GLI2: variants seen among roughly 807,000 people sequenced by gnomAD.
The protein encoded by GLI2 is GLI family zinc finger 2.
Under a neutral mutation model 78.9 loss-of-function variants are expected in GLI2, and 22 were observed. The ratio of observed to expected loss-of-function variants is 0.28; its 90% CI spans 0.20 to 0.40. The LOEUF (loss-of-function observed/expected upper bound fraction) is 0.40. Among genes scored for constraint, GLI2 ranks in the 10% least tolerant of loss-of-function variants. The pLI is 1.00. For missense variants in GLI2, 2,097 were observed against 2,213.2 expected (o/e 0.95, Z 1.05); for synonymous variants, 974 against 963.7 (o/e 1.01, Z -0.20).
At chr2:120,837,426 G>A (rs1206642172) in intron 2 of GLI2, among the ~76,000 whole-genome samples, 3 of 145,434 alleles carry the variant, frequency 2.1e-5, no homozygotes, top group Non-Finnish European at 4.5e-5. Context: ...TCTTAATCTT[G>A]TTTAGACATG....
At chr2:120,751,664 G>A (rs1194872998) in intron 1 of GLI2, among the ~76,000 whole-genome samples, 1 of 152,104 alleles carries the variant, frequency 6.6e-6, no homozygotes. Flanking sequence ...GTTCTCTGTG[G>A]GTAATGCCCT....
intron 2 of GLI2, among the ~76,000 whole-genome samples, chr2:120,814,973 G>GTGTCC (rs113343370): frequency 5.9e-5 from 9 of 152,260 alleles, no homozygotes; most frequent in East Asian, 1.9e-4. Context: ...ACAAGGGCCA[G>GTGTCC]TGTCCTGTCC....
intron 1 of GLI2, among the ~76,000 whole-genome samples, chr2:120,790,505 C>A (rs1185295241): frequency 6.6e-6 from 1 of 152,176 alleles, no homozygotes; most frequent in Non-Finnish European, 1.5e-5. Flanking sequence ...CTGTGGGAAT[C>A]CCTGGCTGGA....
intron 2 of GLI2, among the ~76,000 whole-genome samples, chr2:120,845,735 T>C (rs1251686751): frequency 1.3e-5 from 2 of 152,218 alleles, no homozygotes; most frequent in Non-Finnish European, 2.9e-5. Context: ...GGTACCCGCA[T>C]GGATACCTCT....
At chr2:120,759,049 T>G (rs186325315) in intron 1 of GLI2, among the ~76,000 whole-genome samples, 1 of 152,134 alleles carries the variant, frequency 6.6e-6, no homozygotes, top group Non-Finnish European at 1.5e-5. Context: ...TTCCTTTTGC[T>G]CATGGAGCTG....
At chr2:120,759,069 A>C (rs945607333) in intron 1 of GLI2, among the ~76,000 whole-genome samples, 8 of 152,084 alleles carry the variant, frequency 5.3e-5, no homozygotes, top group African/African-American at 1.9e-4. Flanking sequence ...GTGGTTGGCC[A>C]TGTGAGGCCT....
intron 4 of GLI2, among the ~76,000 whole-genome samples, chr2:120,953,061 G>T (rs998511641): frequency 6.6e-6 from 1 of 152,214 alleles, no homozygotes; most frequent in African/African-American, 2.4e-5. Flanking sequence ...CAAAACACAG[G>T]TCCATATCCT....
chr2:120,779,753 G>A lies in GLI2; in HGVS notation c.-30-17538G>A, dbSNP rs571284570. 5.3e-5 allele frequency among the ~76,000 whole-genome samples: 8 copies of A among 152,322 alleles called. No homozygotes were observed. In the South Asian group the frequency reaches 8.3e-4, roughly 16 times the overall value. On this transcript the variant is annotated intron_variant, in intron 1 of 13. Coordinates refer to ENST00000361492, the MANE Select transcript of GLI2 (RefSeq NM_001374353.1). ...GCACACAGTAGGTTAAGACAGGGCC[G>A]GGGTCAGACACTAGGGCGGCCTGAC...
At position 120,737,317 on chromosome 2, in the gene GLI2, T is replaced by C. The variant is rs1682396135; in HGVS notation, c.-31+1032T>C. On this transcript the variant is annotated intron_variant, in intron 1 of 13. Coordinates refer to ENST00000361492, the MANE Select transcript of GLI2 (RefSeq NM_001374353.1). This position sits in a 1 kb window ranked among gnomAD's most constrained non-coding sequence, Gnocchi z 4.3. Reference sequence around the variant, plus strand: ...CCCGGCGGTAACTGCTGTCATTTCCTAGGAAACCCGACTTTTACCGCGCGG... The same window carrying C: ...CCCGGCGGTAACTGCTGTCATTTCCCAGGAAACCCGACTTTTACCGCGCGG... Among the ~76,000 whole-genome samples, 1 of 151,890 alleles carries C rather than the reference T, an allele frequency of 6.6e-6. No homozygotes were observed. The highest frequency in any genetic ancestry group is 6.5e-5 in the Admixed American group (1 of 15,280).
intron 3 of GLI2, among the ~76,000 whole-genome samples, chr2:120,950,848 A>G (rs1680946649): frequency 6.6e-6 from 1 of 152,104 alleles, no homozygotes; most frequent in African/African-American, 2.4e-5. Flanking sequence ...GTATTTTCAT[A>G]TTCGTTTTCA....
At chr2:120,739,604 C>T (rs1349721411) in intron 1 of GLI2, among the ~76,000 whole-genome samples, 1 of 152,222 alleles carries the variant, frequency 6.6e-6, no homozygotes, top group Non-Finnish European at 1.5e-5. Context: ...GAGCCTGTTT[C>T]CTAGTGGACA....
chr2:120,947,049 G>A (rs1245020072), intron 3 of GLI2, among the ~76,000 whole-genome samples: 4 of 152,224 alleles, frequency 2.6e-5, no homozygotes, highest in African/African-American at 9.6e-5. Context: ...GGGATTGTAT[G>A]TGATGACCTG....
In GLI2 at chr2:120,990,107, C is replaced by T. The variant is rs1683216882; in HGVS notation, c.4142C>T (p.Ala1381Val). ...AVQQQLAYAR[A>V]TGHAMAAMPS... ...CAGCAGCAGCTGGCCTACGCCAGGG[C>T]CACAGGCCATGCCATGGCTGCCATG... The change falls in exon 14 of 14, where the codon GCC becomes GTC. Residue 1381 changes from alanine (A) to valine (V), a missense_variant. Ala to Val is a moderately conservative substitution (Grantham distance 64). Around this residue, in one of 5 missense-constraint regions of GLI2, gnomAD observed 1,290 missense variants for 1,261.7 expected, o/e 1.02. Coordinates refer to ENST00000361492, the MANE Select transcript of GLI2 (RefSeq NM_001374353.1). 6.2e-7 allele frequency: 1 copy of T among 1,601,278 alleles called. No homozygotes were observed. Among genetic ancestry groups the T allele is most frequent in the Non-Finnish European group, 8.5e-7 (1 of 1,172,372 alleles).
At chr2:120,954,014 G>A (rs760523338) in intron 4 of GLI2, among the ~76,000 whole-genome samples, 2 of 152,102 alleles carry the variant, frequency 1.3e-5, no homozygotes, top group Non-Finnish European at 2.9e-5. Flanking sequence ...GACATAGCAG[G>A]GACCTGGCTA....
chr2:120,941,879 G>C lies in GLI2; in HGVS notation c.255-9364G>C, dbSNP rs537581142. Among the ~76,000 whole-genome samples, 10 of 152,298 alleles carry C rather than the reference G, an allele frequency of 6.6e-5. No individual in the cohort carries two copies. In the East Asian group the frequency reaches 1.9e-3, roughly 29 times the overall value. Reference sequence around the variant, plus strand: ...GCTGGGTGGATTCTGGCTATGGGGAGTCAGTGACCATGAAATCCAGGCGGC... The same window carrying C: ...GCTGGGTGGATTCTGGCTATGGGGACTCAGTGACCATGAAATCCAGGCGGC... On this transcript the variant is annotated intron_variant, in intron 3 of 13. Transcript: ENST00000361492.
intron 1 of GLI2, among the ~76,000 whole-genome samples, chr2:120,767,067 T>A (rs1683384246): frequency 6.6e-6 from 1 of 152,154 alleles, no homozygotes; most frequent in Non-Finnish European, 1.5e-5. Flanking sequence ...AAATGTGAAG[T>A]GCGAAATTGC....
chr2:120,889,134 GTC>G (rs1677559973), intron 2 of GLI2, among the ~76,000 whole-genome samples: 1 of 152,348 alleles, frequency 6.6e-6, no homozygotes, highest in Admixed American at 6.5e-5. Flanking sequence ...GGTGGCCATA[GTC>G]TCCTCTTTTA....
intron 2 of GLI2, among the ~76,000 whole-genome samples, chr2:120,893,611 C>T (rs572964918): frequency 6.7e-6 from 1 of 148,230 alleles, no homozygotes; most frequent in East Asian, 2.0e-4. Context: ...GTGGCAGTGT[C>T]TCGGGAGGAA....
intron 2 of GLI2, among the ~76,000 whole-genome samples, chr2:120,923,254 AC>A (rs1679477723): frequency 7.8e-6 from 1 of 127,888 alleles, no homozygotes; most frequent in Admixed American, 7.9e-5. Context: ...ACACAACAGC[AC>A]ACACATACAC....
Sources: allele counts gnomAD v4.1 joint callset (sites outside exome capture counted in the v4.1 genomes callset), GRCh38; gene constraint gnomAD v4.1.1; regional missense constraint gnomAD v4.1.1; non-coding constraint Gnocchi (gnomAD v3.1); transcripts MANE v1.5; gene names NCBI Gene and HGNC (gene_info 2026-07-23, HGNC 2026-07-21).